Variants in GALNT18 observed in about 807,000 individuals in gnomAD.
The protein encoded by GALNT18 is polypeptide N-acetylgalactosaminyltransferase 18, also known as GalNAc-transferase 18.
Under a neutral mutation model 69.5 loss-of-function variants are expected in GALNT18, and 44 were observed. The ratio of observed to expected loss-of-function variants is 0.63; its 90% CI spans 0.50 to 0.81. The LOEUF (loss-of-function observed/expected upper bound fraction) is 0.81, where lower values mean the gene tolerates loss of function less well. Among genes scored for constraint, GALNT18 ranks in the 40% least tolerant of loss-of-function variants. The pLI is 0.00. For missense variants in GALNT18, 715 were observed against 810.0 expected, an observed-to-expected ratio of 0.88 and a Z score of 1.42; for synonymous variants, 364 against 318.2, an observed-to-expected ratio of 1.14 and a Z score of -1.53.
chr11:11,422,091 A>G (rs993808506), intron 3 of GALNT18, among the ~76,000 whole-genome samples: 1 of 152,246 alleles, frequency 6.6e-6, no homozygotes, highest in East Asian at 1.9e-4. Context: ...ACTTCCATAG[A>G]AAGTGGCCAA....
rs200829561 is a variant in GALNT18 at position 11,533,488 on chromosome 11, C to T, written c.236-84552G>A. Among the ~76,000 whole-genome samples the T allele has an allele frequency of 1.8e-4, 27 of 152,308 alleles. No individual in the cohort carries two copies. In the East Asian group the frequency reaches 4.8e-3, roughly 27 times the overall value. On this transcript the variant is annotated intron_variant, in intron 1 of 10. Coordinates refer to ENST00000227756, the MANE Select transcript of GALNT18 (RefSeq NM_198516.3). ...CCACATACGTCTCCCTAAGGAGCCA[C>T]CAGGAGTGAGGCGACGTTCGCTCAG...
rs541034462 is a variant in GALNT18 at position 11,494,172 on chromosome 11, T to C, written c.236-45236A>G. ...TTAGAATTATTATCAACATCAGGAA[T>C]AAGATAAGATGAAAGGAATACAGTC... On this transcript the variant is annotated intron_variant, in intron 1 of 10. Transcript: ENST00000227756. The surrounding 1 kb of genome is among the most constrained non-coding windows in gnomAD (Gnocchi z 5.7). Among the ~76,000 whole-genome samples the C allele has an allele frequency of 6.2e-4, 94 of 152,220 alleles. No homozygotes were observed. The highest frequency in any genetic ancestry group is 3.4e-3 in the Middle Eastern group (1 of 294).
intron 10 of GALNT18, among the ~76,000 whole-genome samples, chr11:11,271,667 G>A (rs1848831349): frequency 6.6e-6 from 1 of 152,190 alleles, no homozygotes; most frequent in Non-Finnish European, 1.5e-5. Flanking sequence ...GCCTGCATTT[G>A]AGCATCACCA....
At position 11,379,119 on chromosome 11, in the gene GALNT18, C is replaced by T. The variant is rs1314066622; in HGVS notation, c.741G>A (p.Val247=). The T allele has an allele frequency of 6.2e-7, 1 of 1,610,072 alleles. No homozygotes were observed. The highest frequency in any genetic ancestry group is 8.5e-7 in the Non-Finnish European group (1 of 1,179,744). The change falls in exon 4 of 11, where the codon GTG becomes GTA. Residue 247 remains valine, a synonymous_variant. Transcript: ENST00000227756. ...SGWRAATAPV[V]ALFDAHVEFN... ...ACTCCACGTGGGCATCAAAGAGTGCCACCACAGGGGCAGTGGCCGCCCTCC... is the reference window on the plus strand; with the variant it reads ...ACTCCACGTGGGCATCAAAGAGTGCTACCACAGGGGCAGTGGCCGCCCTCC...
At chr11:11,374,477 G>A (rs1055246958) in intron 5 of GALNT18, among the ~76,000 whole-genome samples, 5 of 152,206 alleles carry the variant, frequency 3.3e-5, no homozygotes, top group African/African-American at 9.7e-5. Flanking sequence ...GGCAGAGTGG[G>A]GCCTTGGCAT....
chr11:11,288,350 G>A (rs1175247725), intron 10 of GALNT18, among the ~76,000 whole-genome samples: 1 of 152,110 alleles, frequency 6.6e-6, no homozygotes, highest in Non-Finnish European at 1.5e-5. Context: ...CTCTACTTGG[G>A]ATGTTCTATG....
chr11:11,425,143 T>C (rs1554932908), intron 3 of GALNT18, among the ~76,000 whole-genome samples: 1 of 152,158 alleles, frequency 6.6e-6, no homozygotes, highest in Non-Finnish European at 1.5e-5. Flanking sequence ...TCTGACACTG[T>C]TGTTGGGAGG....
chr11:11,298,567 G>C (rs965414053), intron 9 of GALNT18, among the ~76,000 whole-genome samples: 1 of 152,120 alleles, frequency 6.6e-6, no homozygotes, highest in African/African-American at 2.4e-5. Context: ...GCCCAGGCCC[G>C]GGAGCTTGGT....
At position 11,621,270 on chromosome 11, in the gene GALNT18, A is replaced by G. The variant is rs986284340; in HGVS notation, c.235+89T>C. The G allele has an allele frequency of 1.9e-5, 20 of 1,062,136 alleles. No homozygotes were observed. Among genetic ancestry groups the G allele is most frequent in the African/African-American group, 3.2e-5 (2 of 62,414 alleles). 65.8% of individuals were successfully genotyped at this position (1,062,136 alleles called of 1,614,324 possible). ...CGGCCCCAGAGCCCCGCCGTGGCTG[A>G]GTTGATGCGCACCAGCCCCAGCGCA... is the stretch of plus-strand genomic sequence containing the variant. On this transcript the variant is annotated intron_variant, in intron 1 of 10. Transcript: ENST00000227756. The surrounding 1 kb of genome is among the most constrained non-coding windows in gnomAD (Gnocchi z 9.3).
chr11:11,456,600 G>T (rs947602877), intron 1 of GALNT18, among the ~76,000 whole-genome samples: 1 of 152,202 alleles, frequency 6.6e-6, no homozygotes. Flanking sequence ...GCTCTAGGCT[G>T]TGTTGAGCAT....
At chr11:11,446,573 G>A (rs761901271) in intron 2 of GALNT18, among the ~76,000 whole-genome samples, 7 of 152,026 alleles carry the variant, frequency 4.6e-5, no homozygotes, top group Non-Finnish European at 1.0e-4. Flanking sequence ...GTGGACTGAG[G>A]CCCCATGACA....
chr11:11,549,364 C>T (rs912927396), intron 1 of GALNT18, among the ~76,000 whole-genome samples: 1 of 152,220 alleles, frequency 6.6e-6, no homozygotes, highest in South Asian at 2.1e-4. Context: ...GCTGCTAAAT[C>T]TAATTCTAAC....
chr11:11,617,718 G>A lies in GALNT18; in HGVS notation c.235+3641C>T, dbSNP rs1565044463. On this transcript the variant is annotated intron_variant, in intron 1 of 10. Transcript: ENST00000227756. This position sits in a 1 kb window ranked among gnomAD's most constrained non-coding sequence, Gnocchi z 4.7. ...ATTCAGAAAGCTACTAAGAAAAGAA[G>A]AAAGCTATCTTTATTTTTACTGAAT... Among the ~76,000 whole-genome samples, 1 of 152,156 alleles carries A rather than the reference G, an allele frequency of 6.6e-6. No individual in the cohort carries two copies. The highest frequency in any genetic ancestry group is 1.5e-5 in the Non-Finnish European group (1 of 68,022).
At chr11:11,437,985 G>C (rs1263868183) in intron 2 of GALNT18, among the ~76,000 whole-genome samples, 4 of 152,110 alleles carry the variant, frequency 2.6e-5, no homozygotes, top group African/African-American at 9.7e-5. Context: ...GGCTTTTCCT[G>C]GAGAGTCCCT....
chr11:11,405,038 T>C (rs4909997), intron 3 of GALNT18, among the ~76,000 whole-genome samples: 33,104 of 152,136 alleles, frequency 0.22, 4,536 homozygotes, highest in East Asian at 0.46. Flanking sequence ...GTATGTCAGG[T>C]GGCCAGACAC....
intron 1 of GALNT18, among the ~76,000 whole-genome samples, chr11:11,521,422 C>A (rs1190559206): frequency 6.6e-6 from 1 of 152,142 alleles, no homozygotes; most frequent in African/African-American, 2.4e-5. Flanking sequence ...CATCCCTCAT[C>A]CTTTAATCCA....
chr11:11,345,285 C>T (rs1354459027), intron 6 of GALNT18, among the ~76,000 whole-genome samples: 1 of 152,224 alleles, frequency 6.6e-6, no homozygotes. Flanking sequence ...GCATGTTTAC[C>T]CTGCCACTTC....
intron 9 of GALNT18, among the ~76,000 whole-genome samples, chr11:11,306,839 C>A (rs201059729): frequency 9.2e-5 from 2 of 21,834 alleles, no homozygotes; most frequent in East Asian, 1.6e-3. Context: ...CTCCCTTTAT[C>A]CGAGTCTGGG....
rs923906290 is a variant in GALNT18, at chr11:11,586,158, C to G, written c.235+35201G>C. On this transcript the variant is annotated intron_variant, in intron 1 of 10. Transcript: ENST00000227756. The surrounding 1 kb of genome is among the most constrained non-coding windows in gnomAD (Gnocchi z 4.1). ...AAATAAATTTCTATTGTTTATAAGC[C>G]ATGCCATCTAGGGTATTTTATTATA... is the stretch of plus-strand genomic sequence containing the variant. 2.6e-5 allele frequency among the ~76,000 whole-genome samples: 4 copies of G among 152,136 alleles called. No homozygotes were observed. The highest frequency in any genetic ancestry group is 9.7e-5 in the African/African-American group (4 of 41,436).
Sources: allele counts gnomAD v4.1 joint callset (sites outside exome capture counted in the v4.1 genomes callset), GRCh38; gene constraint gnomAD v4.1.1; non-coding constraint Gnocchi (gnomAD v3.1); transcripts MANE v1.5; gene names NCBI Gene and HGNC (gene_info 2026-07-23, HGNC 2026-07-21).